The following COL4A3 variants were observed in gnomAD, a reference collection of about 807,000 sequenced individuals.
The protein encoded by COL4A3 is collagen alpha-3(IV) chain.
COL4A3 carries 135 observed loss-of-function variants against 217.4 expected under a neutral mutation model. The observed-to-expected ratio is 0.62, with a 90% CI of 0.54 to 0.72. COL4A3 has a LOEUF of 0.72. Ranked by LOEUF, COL4A3 falls within the 30% of genes least tolerant of loss-of-function variation. COL4A3 has a pLI of 0.00. For synonymous variants in COL4A3, 690 were observed against 736.3 expected (o/e 0.94, Z 1.02); for missense variants, 1,868 against 2,119.9 (o/e 0.88, Z 2.33).
chr2:227,293,329 G>C lies in COL4A3; in HGVS notation c.3337+12G>C. On this transcript the variant is annotated intron_variant, in intron 38 of 51. Coordinates refer to ENST00000396578, the MANE Select transcript of COL4A3 (RefSeq NM_000091.5). ...TCCTGGCCTCCCAGGTAAGGCTTGAGTTTACAATTCTAAAAGCTGGAAGCA... is the reference window on the plus strand; with the variant it reads ...TCCTGGCCTCCCAGGTAAGGCTTGACTTTACAATTCTAAAAGCTGGAAGCA... 6.2e-7 allele frequency: 1 copy of C among 1,613,714 alleles called. No homozygotes were observed. Among genetic ancestry groups the C allele is most frequent in the East Asian group, 2.2e-5 (1 of 44,880 alleles).
intron 2 of COL4A3, among the ~76,000 whole-genome samples, 168 bp from the exon 3 acceptor site, chr2:227,239,975 G>T (rs553584859): frequency 6.6e-6 from 1 of 152,254 alleles, no homozygotes; most frequent in South Asian, 2.1e-4. Flanking sequence ...CTTTCTGGTT[G>T]CCTATGTAGT....
chr2:227,307,733 C>A lies in COL4A3; in HGVS notation c.4276C>A (p.Pro1426Thr). Residue 1426 changes from proline (P) to threonine (T), a missense_variant, in exon 48 of 52, where the codon CCA becomes ACA. Physicochemically the swap from Pro to Thr is conservative, Grantham distance 38. This residue lies in a region of COL4A3 where 1,503 missense variants were observed against 1,786.1 expected (regional missense o/e 0.84). Transcript: ENST00000396578. ...AGGACCAGCTGGATCAGATGGATTG[C>A]CAGGTTTGAAAGGAAAACGTGGAGA... The part of the protein sequence containing the change: ...EPGPAGSDGL[P>T]GLKGKRGDSG... 1 of 1,614,046 alleles carries A rather than the reference C, an allele frequency of 6.2e-7. No individual in the cohort carries two copies.
chr2:227,206,376 T>C (rs1001293798), intron 1 of COL4A3, among the ~76,000 whole-genome samples: 2 of 152,058 alleles, frequency 1.3e-5, no homozygotes, highest in Non-Finnish European at 2.9e-5. Context: ...CCCCGCCCCC[T>C]CAGGTGATTC....
chr2:227,233,556 C>A (rs774132431), intron 1 of COL4A3, among the ~76,000 whole-genome samples: 22 of 152,130 alleles, frequency 1.4e-4, no homozygotes, highest in Non-Finnish European at 5.9e-5. Flanking sequence ...TTTCAATTAA[C>A]TAATAAGCTG....
chr2:227,283,500 C>T (rs12328701), intron 32 of COL4A3, among the ~76,000 whole-genome samples: 2 of 152,122 alleles, frequency 1.3e-5, no homozygotes, highest in African/African-American at 2.4e-5. Context: ...TGGTCAGGGG[C>T]TGGGAGGATG....
At chr2:227,306,946 T>C (rs1395286383) in intron 47 of COL4A3, among the ~76,000 whole-genome samples, 1 of 151,942 alleles carries the variant, frequency 6.6e-6, no homozygotes, top group Non-Finnish European at 1.5e-5. Context: ...ATACCATAAA[T>C]AATAGCCGTT....
intron 51 of COL4A3, 139 bp downstream of exon 51, chr2:227,311,087 T>A: frequency 2.6e-6 from 2 of 768,120 alleles, no homozygotes; most frequent in Non-Finnish European, 4.5e-6. Flanking sequence ...TTGTCATCAC[T>A]AAACACATTT....
At chr2:227,193,412 A>G (rs1358374907) in intron 1 of COL4A3, among the ~76,000 whole-genome samples, 1 of 152,202 alleles carries the variant, frequency 6.6e-6, no homozygotes, top group Non-Finnish European at 1.5e-5. Context: ...TCATGATGCA[A>G]AGATTAGAAA....
At chr2:227,245,528 A>C (rs897636163) in intron 5 of COL4A3, among the ~76,000 whole-genome samples, 7 of 152,172 alleles carry the variant, frequency 4.6e-5, no homozygotes, top group Non-Finnish European at 1.0e-4. Context: ...ACTAACCCCC[A>C]CAGGTGCTGA....
chr2:227,178,402 A>G (rs760749217), intron 1 of COL4A3, among the ~76,000 whole-genome samples: 1 of 152,168 alleles, frequency 6.6e-6, no homozygotes, highest in Non-Finnish European at 1.5e-5. Flanking sequence ...AAAGAAAAGA[A>G]AAAAGAAATG....
At chr2:227,168,118 A>T (rs2065343225) in intron 1 of COL4A3, among the ~76,000 whole-genome samples, 1 of 152,178 alleles carries the variant, frequency 6.6e-6, no homozygotes, top group Admixed American at 6.5e-5. Context: ...TCATTTTTCC[A>T]TCTCCCTAAA....
chr2:227,204,977 C>T (rs755758469), intron 1 of COL4A3, among the ~76,000 whole-genome samples: 2 of 152,200 alleles, frequency 1.3e-5, no homozygotes, highest in East Asian at 1.9e-4. Context: ...AAACAGGATT[C>T]GTATGTCTTT....
At chr2:227,232,620 T>C (rs1477583400) in intron 1 of COL4A3, among the ~76,000 whole-genome samples, 1 of 152,190 alleles carries the variant, frequency 6.6e-6, no homozygotes, top group Non-Finnish European at 1.5e-5. Context: ...TCTCTGATGA[T>C]CAATGATTTT....
chr2:227,259,838 C>G lies in COL4A3; in HGVS notation c.1075C>G (p.Pro359Ala), dbSNP rs757538073. Residue 359 changes from proline to alanine, a missense_variant, in exon 19 of 52, where the codon CCA (proline) becomes GCA (alanine). Physicochemically the swap from Pro to Ala is conservative, Grantham distance 27. This residue lies in a region of COL4A3 where 1,503 missense variants were observed against 1,786.1 expected (regional missense o/e 0.84). Coordinates refer to ENST00000396578, the MANE Select transcript of COL4A3 (RefSeq NM_000091.5). ...CCAGGAAAAGGGAGATGAAGGCACTCCAGGCCCACCAGGGCCCAGAGGAGC... is the reference window on the plus strand; with the variant it reads ...CCAGGAAAAGGGAGATGAAGGCACTGCAGGCCCACCAGGGCCCAGAGGAGC... ...TYQEKGDEGTPGPPGPRGARG... is the reference protein window; with the variant it reads ...TYQEKGDEGTAGPPGPRGARG... 85 of 1,613,722 alleles carry G rather than the reference C, an allele frequency of 5.3e-5. No individual in the cohort carries two copies. Among genetic ancestry groups the G allele is most frequent in the Non-Finnish European group, 6.4e-5 (76 of 1,179,744 alleles).
chr2:227,198,292 A>G (rs562638412), intron 1 of COL4A3, among the ~76,000 whole-genome samples: 48 of 152,340 alleles, frequency 3.2e-4, no homozygotes, highest in Non-Finnish European at 5.7e-4. Context: ...GGATTTAATC[A>G]AGCTTGGATT....
intron 29 of COL4A3, 25 bp downstream of exon 29, chr2:227,279,915 A>G: frequency 6.5e-7 from 1 of 1,550,186 alleles, no homozygotes; most frequent in African/African-American, 1.4e-5. Flanking sequence ...AAGCTATCAC[A>G]GAAGAGAGGG....
At chr2:227,223,508 C>T (rs11902048) in intron 1 of COL4A3, among the ~76,000 whole-genome samples, 68,350 of 151,514 alleles carry the variant, frequency 0.45, 16,640 homozygotes, top group Non-Finnish European at 0.56. Flanking sequence ...CTGAGGTGGG[C>T]GGATCACCTG....
intron 1 of COL4A3, among the ~76,000 whole-genome samples, chr2:227,166,715 G>A (rs1375685396): frequency 2.6e-5 from 4 of 152,208 alleles, no homozygotes; most frequent in Admixed American, 6.5e-5. Context: ...ATCATTTCCA[G>A]TGTACCTGCT....
At position 227,312,518 on chromosome 2, in the gene COL4A3, G is replaced by C. The variant is rs2073779449; in HGVS notation, c.*648G>C. ...ACCCTTGGAAATACTGTATGGTTTT[G>C]TTTTGTTTTGTTGGTTTTTAAAGAT... On this transcript the variant is annotated 3_prime_UTR_variant, in exon 52 of 52. Coordinates refer to ENST00000396578, the MANE Select transcript of COL4A3 (RefSeq NM_000091.5). 6.6e-6 allele frequency: 1 copy of C among 152,114 alleles called. No individual in the cohort carries two copies. The highest frequency in any genetic ancestry group is 2.4e-5 in the African/African-American group (1 of 41,418). The allele number at this position is 152,114 out of a possible 1,614,324, so 9.4% of individuals were successfully genotyped here. A position where few individuals can be genotyped will look rare whatever the true frequency, so the allele number is the denominator to read the frequency against.
Sources: allele counts gnomAD v4.1 joint callset (sites outside exome capture counted in the v4.1 genomes callset), GRCh38; gene constraint gnomAD v4.1.1; regional missense constraint gnomAD v4.1.1; transcripts MANE v1.5; gene names NCBI Gene and HGNC (gene_info 2026-07-23, HGNC 2026-07-21).